The following OR3A2 variants were observed in gnomAD, a reference collection of about 807,000 sequenced individuals.
OR3A2 encodes olfactory receptor family 3 subfamily A member 2.
For synonymous variants in OR3A2, 126 were observed against 159.3 expected (o/e 0.79, Z 1.57); for missense variants, 318 against 392.8 (o/e 0.81, Z 1.61).
chr17:3,370,045 TG>T (rs1405649547), intron 2 of OR3A2, among the ~76,000 whole-genome samples: 1 of 152,146 alleles, frequency 6.6e-6, no homozygotes, highest in Non-Finnish European at 1.5e-5. Context: ...CTCAGTGATC[TG>T]CCCATCTTGG....
chr17:3,338,437 T>C (rs1313729233), intron 2 of OR3A2, among the ~76,000 whole-genome samples: 2 of 152,226 alleles, frequency 1.3e-5, no homozygotes, highest in African/African-American at 4.8e-5. Context: ...CCATCTTGAA[T>C]TAATTTTTGT....
intron 2 of OR3A2, among the ~76,000 whole-genome samples, chr17:3,371,071 C>G (rs1167300025): frequency 6.6e-6 from 1 of 152,122 alleles, no homozygotes; most frequent in East Asian, 2.0e-4. Flanking sequence ...CCACCTTTCC[C>G]CCCTTTCTAT....
At chr17:3,371,841 T>C (rs1192410760) in intron 2 of OR3A2, among the ~76,000 whole-genome samples, 7 of 112,170 alleles carry the variant, frequency 6.2e-5, no homozygotes, top group African/African-American at 1.9e-4. Flanking sequence ...CCCCACCACC[T>C]CCCGCCCGGA....
At chr17:3,293,814 G>A (rs2048897348) in intron 3 of OR3A2, among the ~76,000 whole-genome samples, 1 of 152,154 alleles carries the variant, frequency 6.6e-6, no homozygotes, top group Non-Finnish European at 1.5e-5. Flanking sequence ...CAGGGATGTG[G>A]ATGAAGCTGG....
chr17:3,325,503 C>A (rs183641376), intron 3 of OR3A2, among the ~76,000 whole-genome samples: 1 of 152,122 alleles, frequency 6.6e-6, no homozygotes, highest in East Asian at 1.9e-4. Flanking sequence ...AGCCACCCCA[C>A]CCTGCCTGTT....
intron 2 of OR3A2, among the ~76,000 whole-genome samples, chr17:3,361,843 T>C (rs562064099): frequency 2.6e-5 from 4 of 151,710 alleles, no homozygotes; most frequent in South Asian, 4.1e-4. Flanking sequence ...GATTTTTGCA[T>C]TGATGTTCAT....
At chr17:3,283,473 C>T (rs2048789532) in intron 1 of OR3A2, among the ~76,000 whole-genome samples, 1 of 152,198 alleles carries the variant, frequency 6.6e-6, no homozygotes, top group South Asian at 2.1e-4. Flanking sequence ...GATCCGCCCA[C>T]CTCAGCCTCC....
chr17:3,383,268 T>C (rs2049753653), intron 2 of OR3A2, among the ~76,000 whole-genome samples: 1 of 152,170 alleles, frequency 6.6e-6, no homozygotes, highest in Admixed American at 6.5e-5. Context: ...AGAAAAAGAC[T>C]TAAACAACTA....
rs148565987 is a variant in OR3A2 at position 3,363,705 on chromosome 17, C to T, written c.-179+20099G>A. ...TTTTCTCTATTAGTTCATTTTCACA[C>T]TGCTATAAAGAACTACTTGAGACTG... is the stretch of plus-strand genomic sequence containing the variant. On this transcript the variant is annotated intron_variant, in intron 2 of 4. Coordinates refer to the OR3A2 transcript ENST00000573491. Among the ~76,000 whole-genome samples, 5 of 152,278 alleles carry T rather than the reference C, an allele frequency of 3.3e-5. No individual in the cohort carries two copies. In the East Asian group the frequency reaches 9.6e-4, roughly 29 times the overall value.
intron 2 of OR3A2, among the ~76,000 whole-genome samples, chr17:3,354,541 T>G (rs962570703): frequency 6.6e-6 from 1 of 151,464 alleles, no homozygotes; most frequent in African/African-American, 2.4e-5. Context: ...TTTGAATTTA[T>G]TGGCATATGG....
intron 2 of OR3A2, among the ~76,000 whole-genome samples, chr17:3,345,725 G>C (rs2049358669): frequency 6.6e-6 from 1 of 151,810 alleles, no homozygotes; most frequent in South Asian, 2.1e-4. Context: ...AGGCCCCAAA[G>C]TTTTAACATC....
At position 3,358,659 on chromosome 17, in the gene OR3A2, G is replaced by A. The variant is rs575564342; in HGVS notation, c.-178-22533C>T. 3.3e-5 allele frequency among the ~76,000 whole-genome samples: 5 copies of A among 151,668 alleles called. No individual in the cohort carries two copies. The South Asian group carries it at 1.0e-3, about 32-fold the overall frequency. ...CTGAGAGTATGTTTGGTATGGTTTT[G>A]GTTCTATTACATTTGTTGAGGATTA... On this transcript the variant is annotated intron_variant, in intron 2 of 4. Transcript: ENST00000573491.
chr17:3,362,427 CTCTGA>C (rs1304376718), intron 2 of OR3A2, among the ~76,000 whole-genome samples: 2 of 151,692 alleles, frequency 1.3e-5, no homozygotes, highest in Non-Finnish European at 2.9e-5. Flanking sequence ...TTCTGTTCTG[CTCTGA>C]TCTTAGTTAT....
chr17:3,319,427 C>A (rs1316331140), intron 3 of OR3A2, among the ~76,000 whole-genome samples: 1 of 151,820 alleles, frequency 6.6e-6, no homozygotes, highest in Non-Finnish European at 1.5e-5. Context: ...GCACAACATG[C>A]AGGTTTGTTA....
intron 2 of OR3A2, among the ~76,000 whole-genome samples, chr17:3,350,747 CCA>C (rs1232350869): frequency 6.6e-6 from 1 of 151,160 alleles, no homozygotes; most frequent in Non-Finnish European, 1.5e-5. Context: ...GAATTTTAGA[CCA>C]ATATCCTTGA....
chr17:3,371,888 C>T (rs1414914996), intron 2 of OR3A2, among the ~76,000 whole-genome samples: 1 of 147,728 alleles, frequency 6.8e-6, no homozygotes, highest in East Asian at 2.1e-4. Context: ...GACCCCCCCA[C>T]CTCCCTCCCG....
At chr17:3,351,891 T>G (rs892035776) in intron 2 of OR3A2, among the ~76,000 whole-genome samples, 1 of 151,880 alleles carries the variant, frequency 6.6e-6, no homozygotes, top group African/African-American at 2.4e-5. Context: ...TATCTACAAC[T>G]ATCTGATCTT....
intron 3 of OR3A2, among the ~76,000 whole-genome samples, chr17:3,299,598 T>C (rs1597326285): frequency 6.6e-6 from 1 of 152,312 alleles, no homozygotes; most frequent in East Asian, 1.9e-4. Flanking sequence ...CCTCCCTCAA[T>C]GTCCTACTCC....
Position 3,311,189 on chromosome 17 carries a change from C to G in OR3A2, c.-85+24844G>C. The G allele has an allele frequency of 1.9e-6, 1 of 537,522 alleles. No homozygotes were observed. Among genetic ancestry groups the G allele is most frequent in the South Asian group, 1.4e-5 (1 of 71,638 alleles). 33.3% of individuals were successfully genotyped at this position (537,522 alleles called of 1,614,324 possible). On this transcript the variant is annotated intron_variant, in intron 3 of 4. Coordinates refer to the OR3A2 transcript ENST00000573491. The surrounding 1 kb of genome is among the most constrained non-coding windows in gnomAD (Gnocchi z 4.6). Reference sequence around the variant, plus strand: ...GCCCCATGCTGAACCCACTCATCTACTGGACATCTCTGCTGGACGTCGGGT... The same window carrying G: ...GCCCCATGCTGAACCCACTCATCTAGTGGACATCTCTGCTGGACGTCGGGT...
Sources: allele counts gnomAD v4.1 joint callset (sites outside exome capture counted in the v4.1 genomes callset), GRCh38; gene constraint gnomAD v4.1.1; non-coding constraint Gnocchi (gnomAD v3.1); transcripts MANE v1.5; gene names NCBI Gene and HGNC (gene_info 2026-07-23, HGNC 2026-07-21).